Variants in MXRA5 observed in about 807,000 individuals in gnomAD.
MXRA5 encodes the protein matrix remodeling associated 5.
Under a neutral mutation model 112.5 loss-of-function variants are expected in MXRA5, and 41 were observed. The ratio of observed to expected loss-of-function variants is 0.36; its 90% CI spans 0.28 to 0.47. The LOEUF is 0.47. Among genes scored for constraint, MXRA5 ranks in the 20% least tolerant of loss-of-function variants. The pLI is 0.99. For synonymous variants in MXRA5, 862 were observed against 900.8 expected (o/e 0.96, Z 0.77); for missense variants, 2,150 against 2,251.0 (o/e 0.96, Z 0.91).
In MXRA5 at chrX:3,329,153, AGAAG is replaced by A. The variant is rs201326721; in HGVS notation, c.709+861_709+864del. Among the ~76,000 whole-genome samples, 72 of 66,891 alleles carry A rather than the reference AGAAG, an allele frequency of 1.1e-3. 1 individual carries two copies. Among genetic ancestry groups the A allele is most frequent in the East Asian group, 6.2e-3 (12 of 1,944 alleles). 58.1% of individuals were successfully genotyped at this position (66,891 alleles called of 115,157 possible). On this transcript the variant is annotated intron_variant, in intron 4 of 6. Transcript: ENST00000217939. ...AGGTGGGAACCAGAGAAGGAAGGAGAGAAGGAAGGAAGGAAGGAAGGAAGGAAGG... is the reference window on the plus strand; with the variant it reads ...AGGTGGGAACCAGAGAAGGAAGGAGAGAAGGAAGGAAGGAAGGAAGGAAGG...
intron 1 of MXRA5, among the ~76,000 whole-genome samples, chrX:3,345,717 C>T (rs762446200): frequency 8.9e-6 from 1 of 112,989 alleles, no homozygotes; most frequent in Non-Finnish European, 1.9e-5. Context: ...GGCGTGAGGC[C>T]GTCTGCTTTC....
Position 3,324,858 on chromosome X carries a change from A to G in MXRA5, c.827T>C (p.Leu276Pro). The G allele has an allele frequency of 8.3e-7, 1 of 1,211,915 alleles. No individual in the cohort carries two copies. The highest frequency in any genetic ancestry group is 1.8e-5 in the South Asian group (1 of 56,966). Residue 276 changes from leucine (L) to proline (P), a missense_variant, in exon 5 of 7, where the codon CTG becomes CCG. Around this residue, in one of 6 missense-constraint regions of MXRA5, gnomAD observed 386 missense variants for 411.0 expected, o/e 0.94. Transcript: ENST00000217939. ...CAGAGGGGACTCTATTGAAGGCTTC[A>G]GACAAGTCATGTCCTTCAGCTTGTG... Reference protein sequence around the residue: ...EIHKLKDMTCLKPSIESPLRQ... With the variant: ...EIHKLKDMTCPKPSIESPLRQ...
chrX:3,344,007 T>C, intron 1 of MXRA5, 146 bp from the exon 2 acceptor site: 2 of 465,776 alleles, frequency 4.3e-6, no homozygotes, highest in South Asian at 4.7e-5. Flanking sequence ...ACCATGGGAA[T>C]TGAGAAAGAT....
At position 3,317,088 on chromosome X, in the gene MXRA5, C is replaced by A. The variant is rs1329087306; in HGVS notation, c.6578+15G>T. ...CAGCCCAGCGATTTACAGGAAGCCA[C>A]GCAGAGCTGCCTACCTGAAGAGCGC... On this transcript the variant is annotated intron_variant, in intron 6 of 6. Transcript: ENST00000217939. 9 of 1,128,274 alleles carry A rather than the reference C, an allele frequency of 8.0e-6. No individual in the cohort carries two copies. The African/African-American group carries it at 1.6e-4, about 20-fold the overall frequency. The allele number at this position is 1,128,274 out of a possible 1,213,427, so 93.0% of individuals were successfully genotyped here.
Position 3,310,964 on chromosome X carries a change from G to A in MXRA5, c.7239C>T (p.Ser2413=), listed in dbSNP as rs151229903. 2.7e-4 allele frequency: 328 copies of A among 1,209,588 alleles called. 2 individuals are homozygous for A. The African/African-American group carries it at 4.5e-3, about 17-fold the overall frequency. Reference sequence around the variant, plus strand: ...TCCTGACCAAGCAGGTGTAGTTGCCGCTGTCAGAACGCTGGGCTTTCTGAA... The same window carrying A: ...TCCTGACCAAGCAGGTGTAGTTGCCACTGTCAGAACGCTGGGCTTTCTGAA... ...LLIQKAQRSD[S]GNYTCLVRNS... Residue 2413 remains serine, a synonymous_variant, in exon 7 of 7, where the codon AGC becomes AGT. Coordinates refer to ENST00000217939, the MANE Select transcript of MXRA5 (RefSeq NM_015419.4).
chrX:3,343,269 A>G (rs1246314729), intron 2 of MXRA5, among the ~76,000 whole-genome samples: 2 of 112,301 alleles, frequency 1.8e-5, no homozygotes, highest in Non-Finnish European at 3.8e-5. Context: ...TATTATTCTT[A>G]AATCGTTGCT....
chrX:3,333,338 A>G (rs2146929529), intron 2 of MXRA5, among the ~76,000 whole-genome samples: 1 of 103,812 alleles, frequency 9.6e-6, no homozygotes, highest in South Asian at 4.2e-4. Context: ...AAAAAGTAAG[A>G]AAGAAAGAAA....
At chrX:3,342,885 C>T (rs1226810152) in intron 2 of MXRA5, among the ~76,000 whole-genome samples, 1 of 112,518 alleles carries the variant, frequency 8.9e-6, no homozygotes, top group Non-Finnish European at 1.9e-5. Flanking sequence ...TCAAATCTGG[C>T]CATTTTATTT....
At chrX:3,345,710 G>T (rs1005024102) in intron 1 of MXRA5, among the ~76,000 whole-genome samples, 7 of 113,106 alleles carry the variant, frequency 6.2e-5, no homozygotes, top group African/African-American at 2.2e-4. Context: ...GGGTGGGGGC[G>T]TGAGGCCGTC....
intron 2 of MXRA5, among the ~76,000 whole-genome samples, chrX:3,341,447 AT>A (rs1921961955): frequency 7.6e-5 from 1 of 13,148 alleles, no homozygotes; most frequent in Non-Finnish European, 9.7e-5. Flanking sequence ...TTATTATTAT[AT>A]ATAATATATG....
At chrX:3,341,525 ATATATTATTAT>A (rs1184294227) in intron 2 of MXRA5, among the ~76,000 whole-genome samples, 1 of 28,936 alleles carries the variant, frequency 3.5e-5, no homozygotes, top group Non-Finnish European at 4.5e-5. Flanking sequence ...TATATATAAT[ATATATTATTAT>A]TATATATAAT....
At position 3,310,550 on chromosome X, in the gene MXRA5, C is replaced by T; in HGVS notation, c.7653G>A (p.Lys2551=). The change falls in exon 7 of 7, where the codon AAG becomes AAA. Residue 2551 remains lysine (K), a synonymous_variant. Transcript: ENST00000217939. The part of the protein sequence containing the change: ...KPIFHDPISE[K]ITAMAGHTIS... The stretch of plus-strand genomic sequence containing the variant: ...TGGTGTGGCCCGCCATGGCCGTGAT[C>T]TTCTCGCTGATCGGGTCGTGGAAGA... 1 of 1,183,485 alleles carries T rather than the reference C, an allele frequency of 8.4e-7. No homozygotes were observed. Among genetic ancestry groups the T allele is most frequent in the Non-Finnish European group, 1.1e-6 (1 of 881,059 alleles).
rs762211233 is a variant in MXRA5 at position 3,324,785 on chromosome X, C to T, written c.900G>A (p.Glu300=). The T allele has an allele frequency of 8.3e-7, 1 of 1,210,575 alleles. No homozygotes were observed. Residue 300 remains glutamate (E), a synonymous_variant, in exon 5 of 7, where the codon GAG becomes GAA. Coordinates refer to ENST00000217939, the MANE Select transcript of MXRA5 (RefSeq NM_015419.4). The part of the protein sequence containing the change: ...RSIEEEQEQE[E]DGGSQLILEK... Reference sequence around the variant, plus strand: ...CCAGGATGAGCTGGCTGCCACCATCCTCTTCCTGTTCTTGCTCCTCCTCAA... The same window carrying T: ...CCAGGATGAGCTGGCTGCCACCATCTTCTTCCTGTTCTTGCTCCTCCTCAA...
At position 3,321,964 on chromosome X, in the gene MXRA5, G is replaced by A. The variant is rs774977854; in HGVS notation, c.3721C>T (p.His1241Tyr). 5.0e-6 allele frequency: 6 copies of A among 1,211,575 alleles called. No homozygotes were observed. The highest frequency in any genetic ancestry group is 6.7e-6 in the Non-Finnish European group (6 of 895,489). The change falls in exon 5 of 7, where the codon CAT becomes TAT. Residue 1241 changes from histidine to tyrosine, a missense_variant. Physicochemically the swap from His to Tyr is moderately conservative, Grantham distance 83 (BLOSUM62 2). Coordinates refer to ENST00000217939, the MANE Select transcript of MXRA5 (RefSeq NM_015419.4). ...RRKHGKRPNK[H>Y]RYTPSTVSSR... ...CTCACTGTAGAAGGGGTATATCGAT[G>A]TTTGTTTGGCCTCTTCCCGTGTTTT...
chrX:3,343,616 G>T, intron 2 of MXRA5, 30 bp downstream of exon 2: 1 of 1,177,961 alleles, frequency 8.5e-7, no homozygotes, highest in Non-Finnish European at 1.2e-6. Context: ...CACTGACAGT[G>T]GGAAGGTTCG....
chrX:3,326,474 A>G (rs1344622975), intron 4 of MXRA5, among the ~76,000 whole-genome samples: 1 of 103,661 alleles, frequency 9.6e-6, no homozygotes, highest in East Asian at 2.9e-4. Flanking sequence ...ATTTATATAT[A>G]ATCAATATGT....
At chrX:3,315,366 T>TG (rs764137726) in intron 6 of MXRA5, among the ~76,000 whole-genome samples, 1 of 38,706 alleles carries the variant, frequency 2.6e-5, no homozygotes, top group Admixed American at 2.6e-4. Flanking sequence ...GATAGATAGA[T>TG]AGATAGAATA....
Position 3,343,756 on chromosome X carries a change from G to A in MXRA5, c.78C>T (p.Ala26=). 8.3e-7 allele frequency: 1 copy of A among 1,211,518 alleles called. No individual in the cohort carries two copies. Among genetic ancestry groups the A allele is most frequent in the South Asian group, 1.8e-5 (1 of 56,915 alleles). ...CGTAGCAGGCACAAGGATGCGGGCA[G>A]GCCAGCGCCACTCGCGGATGGCCCC... ...LLWGHPRVAL[A]CPHPCACYVP... Residue 26 remains alanine, a synonymous_variant, in exon 2 of 7, where the codon GCC becomes GCT. Coordinates refer to ENST00000217939, the MANE Select transcript of MXRA5 (RefSeq NM_015419.4).
In MXRA5 at chrX:3,324,841, A is replaced by T. The variant is rs147525665; in HGVS notation, c.844T>A (p.Ser282Thr). 4.1e-6 allele frequency: 5 copies of T among 1,210,378 alleles called. No individual in the cohort carries two copies. The South Asian group carries it at 8.8e-5, about 21-fold the overall frequency. ...CTGCTCCTGTTCTGTCTCAGAGGGG[A>T]CTCTATTGAAGGCTTCAGACAAGTC... ...DMTCLKPSIESPLRQNRSRSI... is the reference protein window; with the variant it reads ...DMTCLKPSIETPLRQNRSRSI... The change falls in exon 5 of 7, where the codon TCC becomes ACC. Residue 282 changes from serine to threonine, a missense_variant. Ser to Thr is a moderately conservative substitution (Grantham distance 58). Transcript: ENST00000217939.
Sources: allele counts gnomAD v4.1 joint callset (sites outside exome capture counted in the v4.1 genomes callset), GRCh38; gene constraint gnomAD v4.1.1; regional missense constraint gnomAD v4.1.1; transcripts MANE v1.5; gene names NCBI Gene and HGNC (gene_info 2026-07-23, HGNC 2026-07-21).